MICU1: variants seen among roughly 807,000 people sequenced by gnomAD.
The protein encoded by MICU1 is mitochondrial calcium uptake 1.
Under a neutral mutation model 56.8 loss-of-function variants are expected in MICU1, and 45 were observed. The ratio of observed to expected loss-of-function variants is 0.79; its 90% CI spans 0.62 to 1.02. The LOEUF (loss-of-function observed/expected upper bound fraction) is 1.02. MICU1 is among the 50% of genes least tolerant of loss of function. The pLI is 0.00. For synonymous variants in MICU1, 186 were observed against 195.1 expected (o/e 0.95, Z 0.39); for missense variants, 504 against 587.1 (o/e 0.86, Z 1.46).
chr10:72,379,726 CA>C (rs113793460), intron 10 of MICU1: 1 of 237,206 alleles, frequency 4.2e-6, no homozygotes. Flanking sequence ...TGCCTCATTA[CA>C]GATGCCATCT....
chr10:72,623,300 C>CAAAAAAAAAA (rs1164753291), intron 1 of MICU1, among the ~76,000 whole-genome samples: 12 of 55,776 alleles, frequency 2.2e-4, no homozygotes, highest in East Asian at 8.7e-4. Context: ...GACTCCGTCT[C>CAAAAAAAAAA]AAAAAAAAAA....
chr10:72,598,848 C>A (rs1408688528), intron 1 of MICU1, among the ~76,000 whole-genome samples: 1 of 152,062 alleles, frequency 6.6e-6, no homozygotes, highest in East Asian at 1.9e-4. Flanking sequence ...TGAAATGTAA[C>A]CCTAATCCCT....
At chr10:72,586,530 T>C (rs1387021654) in intron 1 of MICU1, among the ~76,000 whole-genome samples, 1 of 151,852 alleles carries the variant, frequency 6.6e-6, no homozygotes, top group Non-Finnish European at 1.5e-5. Context: ...TGCATGCCTG[T>C]AATCCCAGCT....
intron 8 of MICU1, among the ~76,000 whole-genome samples, chr10:72,426,158 C>G (rs1037687954): frequency 6.6e-6 from 1 of 152,028 alleles, no homozygotes; most frequent in Non-Finnish European, 1.5e-5. Flanking sequence ...GCTGGGACTA[C>G]AGGCATGTGC....
At chr10:72,487,104 G>T (rs1368824177) in intron 6 of MICU1, among the ~76,000 whole-genome samples, 5 of 152,138 alleles carry the variant, frequency 3.3e-5, no homozygotes, top group African/African-American at 1.2e-4. Flanking sequence ...AGTTTACAAA[G>T]GGAAAACTTG....
intron 1 of MICU1, among the ~76,000 whole-genome samples, chr10:72,588,767 C>T (rs905168001): frequency 5.3e-5 from 8 of 152,172 alleles, no homozygotes; most frequent in Non-Finnish European, 1.2e-4. Flanking sequence ...CTGGCTTTCA[C>T]ATGCTAGATG....
intron 10 of MICU1, among the ~76,000 whole-genome samples, chr10:72,400,868 C>A (rs1186545667): frequency 9.4e-6 from 1 of 105,908 alleles, no homozygotes; most frequent in African/African-American, 5.9e-5. Context: ...GGTGGTGCTA[C>A]ACACACACAC....
intron 1 of MICU1, among the ~76,000 whole-genome samples, chr10:72,603,206 G>A (rs577035015): frequency 6.6e-6 from 1 of 151,444 alleles, no homozygotes; most frequent in Non-Finnish European, 1.5e-5. Flanking sequence ...GGTCAACATG[G>A]CAAAACCCCA....
chr10:72,374,904 G>A (rs1027322342), intron 11 of MICU1, among the ~76,000 whole-genome samples: 7 of 144,012 alleles, frequency 4.9e-5, no homozygotes, highest in African/African-American at 8.0e-5. Context: ...GCTGCCTCCC[G>A]GGTTCAAGTG....
chr10:72,419,824 C>G (rs1242052483), intron 9 of MICU1, among the ~76,000 whole-genome samples: 1 of 152,136 alleles, frequency 6.6e-6, no homozygotes. Context: ...TTCATGCCTA[C>G]CATGCCACAC....
At chr10:72,610,015 G>A (rs182443171) in intron 1 of MICU1, among the ~76,000 whole-genome samples, 55 of 151,320 alleles carry the variant, frequency 3.6e-4, no homozygotes, top group African/African-American at 1.1e-3. Context: ...AAGCCTGAGC[G>A]ACAGAGCGAG....
intron 9 of MICU1, among the ~76,000 whole-genome samples, chr10:72,418,286 A>G (rs1864049218): frequency 1.3e-5 from 2 of 152,316 alleles, no homozygotes; most frequent in South Asian, 4.1e-4. Flanking sequence ...AAAACCCCAG[A>G]ACACTGATGC....
At chr10:72,616,239 T>G (rs1841976924) in intron 1 of MICU1, among the ~76,000 whole-genome samples, 1 of 152,186 alleles carries the variant, frequency 6.6e-6, no homozygotes, top group Non-Finnish European at 1.5e-5. Context: ...CTTTCTTGTA[T>G]TCCTATAATT....
intron 9 of MICU1, among the ~76,000 whole-genome samples, chr10:72,421,031 T>C (rs1171684074): frequency 7.0e-6 from 1 of 143,206 alleles, no homozygotes; most frequent in Non-Finnish European, 1.5e-5. Context: ...ATAATAATAA[T>C]AATAATAATA....
intron 8 of MICU1, among the ~76,000 whole-genome samples, chr10:72,463,173 C>T (rs1865690289): frequency 6.6e-6 from 1 of 152,008 alleles, no homozygotes; most frequent in Non-Finnish European, 1.5e-5. Context: ...AAGCGATTGT[C>T]CTGCCTCAGC....
chr10:72,482,116 T>TGA (rs1247700395), intron 6 of MICU1, among the ~76,000 whole-genome samples: 1 of 152,222 alleles, frequency 6.6e-6, no homozygotes, highest in African/African-American at 2.4e-5. Flanking sequence ...CTAGCTGTCC[T>TGA]GAGACTTTCA....
chr10:72,394,672 A>T (rs1337703200), intron 10 of MICU1, among the ~76,000 whole-genome samples: 1 of 151,656 alleles, frequency 6.6e-6, no homozygotes, highest in Admixed American at 6.6e-5. Flanking sequence ...AAACAAAAGC[A>T]AACAAAAAAT....
chr10:72,548,894 G>A (rs974970211), intron 4 of MICU1, among the ~76,000 whole-genome samples: 2 of 152,064 alleles, frequency 1.3e-5, no homozygotes, highest in Non-Finnish European at 2.9e-5. Context: ...ACAGGGTTTT[G>A]CCATGTTGGC....
intron 1 of MICU1, among the ~76,000 whole-genome samples, chr10:72,596,561 T>A (rs191319867): frequency 5.3e-5 from 8 of 152,032 alleles, no homozygotes; most frequent in Non-Finnish European, 7.4e-5. Flanking sequence ...ACAATAAGAA[T>A]TCAAAAACAA....
Sources: allele counts gnomAD v4.1 joint callset (sites outside exome capture counted in the v4.1 genomes callset), GRCh38; gene constraint gnomAD v4.1.1; transcripts MANE v1.5; gene names NCBI Gene and HGNC (gene_info 2026-07-23, HGNC 2026-07-21).